Variants in KIAA1217 observed in about 807,000 individuals in gnomAD.
KIAA1217 encodes the protein KIAA1217.
KIAA1217 carries 88 observed loss-of-function variants against 163.9 expected under a neutral mutation model. That is an observed-to-expected ratio of 0.54 (90% CI 0.45 to 0.64). KIAA1217 has a LOEUF of 0.64. Ranked by LOEUF, KIAA1217 falls within the 30% of genes least tolerant of loss-of-function variation. The pLI, the probability that KIAA1217 is intolerant of heterozygous loss-of-function variation, is 0.00. For synonymous variants in KIAA1217, 903 were observed against 923.1 expected (o/e 0.98, Z 0.39); for missense variants, 2,372 against 2,475.0 (o/e 0.96, Z 0.88).
At chr10:24,369,252 AGGTGGTAGT>A (rs904848912) in intron 2 of KIAA1217, among the ~76,000 whole-genome samples, 7 of 147,998 alleles carry the variant, frequency 4.7e-5, no homozygotes, top group Non-Finnish European at 1.0e-4. Context: ...GAAATTGGGC[AGGTGGTAGT>A]GGTGGTTGTT....
At chr10:23,843,237 T>C (rs1438761976) in intron 1 of KIAA1217, among the ~76,000 whole-genome samples, 2 of 152,190 alleles carry the variant, frequency 1.3e-5, no homozygotes, top group Non-Finnish European at 2.9e-5. Flanking sequence ...TATTAAAAAT[T>C]ACAGCAAGGA....
At chr10:24,304,147 A>T (rs727269) in intron 2 of KIAA1217, among the ~76,000 whole-genome samples, 84 of 140,250 alleles carry the variant, frequency 6.0e-4, no homozygotes, top group Non-Finnish European at 1.1e-3. Context: ...TTTTTTTTGC[A>T]TGGAAAAGTG....
At chr10:23,877,207 T>C (rs1840739157) in intron 1 of KIAA1217, among the ~76,000 whole-genome samples, 1 of 151,964 alleles carries the variant, frequency 6.6e-6, no homozygotes, top group South Asian at 2.1e-4. Context: ...TAATGAGATG[T>C]ACTCACCTAT....
intron 2 of KIAA1217, among the ~76,000 whole-genome samples, chr10:24,061,995 T>C (rs1045725903): frequency 6.6e-6 from 1 of 152,116 alleles, no homozygotes; most frequent in Non-Finnish European, 1.5e-5. Context: ...TTCATCTTTA[T>C]CTGGAACCTC....
At chr10:24,147,832 C>CA (rs1176106711) in intron 2 of KIAA1217, among the ~76,000 whole-genome samples, 3,443 of 20,708 alleles carry the variant, frequency 0.17, 630 homozygotes, top group East Asian at 0.25. Flanking sequence ...TACTCTGTCT[C>CA]AAAAAAAAAA....
At position 24,064,782 on chromosome 10, in the gene KIAA1217, T is replaced by C. The variant is rs146535039; in HGVS notation, c.-171+57408T>C. The stretch of plus-strand genomic sequence containing the variant: ...AATCCATCTGGTCCTGGACTGTTTT[T>C]GGTTAGTAAGCTCTTAATTATTGCC... On this transcript the variant is annotated intron_variant, in intron 2 of 18. Transcript: ENST00000376462. 5.8e-3 allele frequency among the ~76,000 whole-genome samples: 889 copies of C among 152,310 alleles called. 5 individuals carry two copies. The highest frequency in any genetic ancestry group is 0.02 in the African/African-American group (819 of 41,566).
chr10:24,160,078 C>T (rs1323957573), intron 2 of KIAA1217, among the ~76,000 whole-genome samples: 2 of 152,190 alleles, frequency 1.3e-5, no homozygotes, highest in East Asian at 3.9e-4. Flanking sequence ...ATTTGCCCAT[C>T]TTTTCTCTGT....
intron 3 of KIAA1217, among the ~76,000 whole-genome samples, chr10:24,386,245 G>C (rs1020667521): frequency 8.5e-5 from 13 of 152,204 alleles, no homozygotes; most frequent in Admixed American, 3.3e-4. Context: ...AAGTGGCATA[G>C]GAGGATTTTA....
At chr10:24,309,429 C>G (rs2042427069) in intron 2 of KIAA1217, among the ~76,000 whole-genome samples, 1 of 152,106 alleles carries the variant, frequency 6.6e-6, no homozygotes, top group African/African-American at 2.4e-5. Context: ...ACTGTGGGAT[C>G]ACAGTGTACG....
rs148060775 is a variant in KIAA1217, at chr10:23,980,364, C to T, written c.-320-26861C>T. Among the ~76,000 whole-genome samples the T allele has an allele frequency of 7.4e-3, 1,125 of 152,238 alleles. 9 individuals carry two copies. The highest frequency in any genetic ancestry group is 0.012 in the Non-Finnish European group (819 of 68,014). On this transcript the variant is annotated intron_variant, in intron 1 of 18. Coordinates refer to the KIAA1217 transcript ENST00000376462. ...TCTGAGGTCTCAAGTTTCCTCAGAG[C>T]GAAAGCATCCAACTTGACTTGCTGC...
intron 1 of KIAA1217, among the ~76,000 whole-genome samples, chr10:23,752,448 T>C (rs1351860635): frequency 6.6e-6 from 1 of 152,212 alleles, no homozygotes. Context: ...GGGGGAAATG[T>C]ACTTTGATCC....
At chr10:23,908,130 AG>A (rs1239555741) in intron 1 of KIAA1217, among the ~76,000 whole-genome samples, 1 of 152,140 alleles carries the variant, frequency 6.6e-6, no homozygotes, top group East Asian at 1.9e-4. Context: ...GGCAGATGGC[AG>A]GGAGGCAAGT....
chr10:23,785,370 C>A (rs757830038), intron 1 of KIAA1217, among the ~76,000 whole-genome samples: 3 of 152,148 alleles, frequency 2.0e-5, no homozygotes, highest in Non-Finnish European at 4.4e-5. Context: ...TACCCCCTTA[C>A]CCCTGTGCCT....
intron 1 of KIAA1217, among the ~76,000 whole-genome samples, chr10:23,854,345 A>G (rs1169132850): frequency 6.6e-6 from 1 of 151,772 alleles, no homozygotes; most frequent in South Asian, 2.1e-4. Flanking sequence ...TCTTAATCCT[A>G]AGTTCTAGTT....
At chr10:24,356,797 C>T (rs542527473) in intron 2 of KIAA1217, among the ~76,000 whole-genome samples, 15 of 152,310 alleles carry the variant, frequency 9.8e-5, no homozygotes, top group Admixed American at 2.0e-4. Context: ...GGACTTCCAG[C>T]ATCCAGAACC....
At chr10:24,204,309 C>G (rs2067428349), upstream of KIAA1217, among the ~76,000 whole-genome samples, 1 of 152,004 alleles carries the variant, frequency 6.6e-6, no homozygotes, top group African/African-American at 2.4e-5. Flanking sequence ...CTGGAGGTTA[C>G]CTGGTGAAAT....
intron 13 of KIAA1217, among the ~76,000 whole-genome samples, chr10:24,527,230 CA>C (rs1459680109): frequency 6.6e-6 from 1 of 151,832 alleles, no homozygotes; most frequent in Non-Finnish European, 1.5e-5. Context: ...GGTACTAAGA[CA>C]CAGGATTTTT....
At chr10:23,912,843 G>A (rs377147320) in intron 1 of KIAA1217, among the ~76,000 whole-genome samples, 3 of 152,122 alleles carry the variant, frequency 2.0e-5, no homozygotes, top group African/African-American at 7.2e-5. Context: ...GGGAGGAAAC[G>A]GAGAGCAATC....
chr10:23,701,998 G>C (rs1006969789), intron 1 of KIAA1217, among the ~76,000 whole-genome samples: 1 of 152,244 alleles, frequency 6.6e-6, no homozygotes, highest in East Asian at 1.9e-4. Flanking sequence ...GCTAGAAATA[G>C]AAAGAGAGCC....
Sources: gnomAD v4.1 joint callset for allele counts (sites outside exome capture counted in the v4.1 genomes callset) on GRCh38, gnomAD v4.1.1 for gene constraint, MANE v1.5 for transcripts, NCBI Gene and HGNC (gene_info 2026-07-23, HGNC 2026-07-21) for gene names.